Variants in HNRNPA0 observed in about 807,000 individuals in gnomAD.
The protein encoded by HNRNPA0 is heterogeneous nuclear ribonucleoprotein A0, also known as hnRNA binding protein.
For missense variants in HNRNPA0, 252 were observed against 433.7 expected (o/e 0.58, Z 3.72); for synonymous variants, 243 against 195.5 (o/e 1.24, Z -2.03).
rs2149945956 is a variant in HNRNPA0 at position 137,746,850 on chromosome 5, C to T, written c.*6299G>A. ...AATTTTAACTTGACATACTAAGAAA[C>T]AGGGAGGCACTGAATTTAGGGATAG... On this transcript the variant is annotated 3_prime_UTR_variant, in exon 1 of 1. Transcript: ENST00000314940. The T allele has an allele frequency of 6.6e-6, 1 of 152,184 alleles. No individual in the cohort carries two copies. The highest frequency in any genetic ancestry group is 2.1e-4 in the South Asian group (1 of 4,826). 9.4% of individuals were successfully genotyped at this position (152,184 alleles called of 1,614,324 possible). A position where few individuals can be genotyped will look rare whatever the true frequency, so the allele number is the denominator to read the frequency against.
Position 137,751,094 on chromosome 5 carries a change from A to C in HNRNPA0, c.*2055T>G, listed in dbSNP as rs1753488757. On this transcript the variant is annotated 3_prime_UTR_variant, in exon 1 of 1. Coordinates refer to ENST00000314940, the MANE Select transcript of HNRNPA0 (RefSeq NM_006805.4). ...TGTGTATCACTAGAATTAAAAAATAAGACAGAAATGTATGGAAAGTGTACA... is the reference window on the plus strand; with the variant it reads ...TGTGTATCACTAGAATTAAAAAATACGACAGAAATGTATGGAAAGTGTACA... 6.6e-6 allele frequency: 1 copy of C among 152,208 alleles called. No homozygotes were observed. Among genetic ancestry groups the C allele is most frequent in the Admixed American group, 6.5e-5 (1 of 15,286 alleles). 9.4% of individuals were successfully genotyped at this position (152,208 alleles called of 1,614,324 possible). A position where few individuals can be genotyped will look rare whatever the true frequency, so the allele number is the denominator to read the frequency against.
In HNRNPA0 at chr5:137,752,159, G is replaced by T. The variant is rs917579534; in HGVS notation, c.*990C>A. Reference sequence around the variant, plus strand: ...AAACCTGCTCTGAAAGTACAAAAACGCATTTGAGGGTAAAATATAACCCTT... The same window carrying T: ...AAACCTGCTCTGAAAGTACAAAAACTCATTTGAGGGTAAAATATAACCCTT... On this transcript the variant is annotated 3_prime_UTR_variant, in exon 1 of 1. Coordinates refer to ENST00000314940, the MANE Select transcript of HNRNPA0 (RefSeq NM_006805.4). 1.3e-5 allele frequency: 2 copies of T among 149,924 alleles called. No homozygotes were observed. Among genetic ancestry groups the T allele is most frequent in the Non-Finnish European group, 3.0e-5 (2 of 67,672 alleles). The allele number at this position is 149,924 out of a possible 1,614,324, so 9.3% of individuals were successfully genotyped here.
rs1753490859 is a variant in HNRNPA0 at position 137,751,178 on chromosome 5, C to T, written c.*1971G>A. 1 of 151,942 alleles carries T rather than the reference C, an allele frequency of 6.6e-6. No homozygotes were observed. Among genetic ancestry groups the T allele is most frequent in the Admixed American group, 6.5e-5 (1 of 15,270 alleles). 9.4% of individuals were successfully genotyped at this position (151,942 alleles called of 1,614,324 possible). ...ACCTCAATGTGTAAAAACATCCACC[C>T]CGTTTGTCATAGAGGATATAACACT... On this transcript the variant is annotated 3_prime_UTR_variant, in exon 1 of 1. Coordinates refer to ENST00000314940, the MANE Select transcript of HNRNPA0 (RefSeq NM_006805.4).
In HNRNPA0 at chr5:137,753,689, C is replaced by G; in HGVS notation, c.378G>C (p.Lys126Asn). 1 of 1,613,966 alleles carries G rather than the reference C, an allele frequency of 6.2e-7. No individual in the cohort carries two copies. The highest frequency in any genetic ancestry group is 8.5e-7 in the Non-Finnish European group (1 of 1,180,040). The change falls in exon 1 of 1, where the codon AAG (lysine) becomes AAC (asparagine). Residue 126 changes from lysine (K) to asparagine (N), a missense_variant. By Grantham distance (94) the Lys-to-Asn change is moderately conservative. Transcript: ENST00000314940. This position sits in a 1 kb window ranked among gnomAD's most constrained non-coding sequence, Gnocchi z 6.1. ...ACTGCTTGTCGGCAATAATCTCGGC[C>G]TTTTCCACGGTGCCAAACTGCGAGA... ...EHFSQFGTVE[K>N]AEIIADKQSG...
In HNRNPA0 at chr5:137,754,363, G is replaced by C; in HGVS notation, c.-297C>G. On this transcript the variant is annotated 5_prime_UTR_variant, in exon 1 of 1. Transcript: ENST00000314940. Reference sequence around the variant, plus strand: ...CCCCTATCTGGGCACCACACAAAGAGGCCGCTGAACGCGCGCGCACCCTCC... The same window carrying C: ...CCCCTATCTGGGCACCACACAAAGACGCCGCTGAACGCGCGCGCACCCTCC... 2.5e-6 allele frequency: 1 copy of C among 397,516 alleles called. No individual in the cohort carries two copies. The highest frequency in any genetic ancestry group is 4.8e-6 in the Non-Finnish European group (1 of 209,598). The allele number at this position is 397,516 out of a possible 1,614,324, so 24.6% of individuals were successfully genotyped here.
In HNRNPA0 at chr5:137,753,387, C is replaced by A; in HGVS notation, c.680G>T (p.Gly227Val). The A allele has an allele frequency of 6.5e-7, 1 of 1,545,470 alleles. No homozygotes were observed. The highest frequency in any genetic ancestry group is 8.7e-7 in the Non-Finnish European group (1 of 1,144,400). ...YNSYGGYGGGGGGGYNAYGGG... is the reference protein window; with the variant it reads ...YNSYGGYGGGVGGGYNAYGGG... Reference sequence around the variant, plus strand: ...TCCGTAGGCATTGTAGCCGCCGCCTCCGCCGCCGCCGTAACCACCGTAGCT... The same window carrying A: ...TCCGTAGGCATTGTAGCCGCCGCCTACGCCGCCGCCGTAACCACCGTAGCT... The change falls in exon 1 of 1, where the codon GGA (glycine) becomes GTA (valine). Residue 227 changes from glycine to valine, a missense_variant. Coordinates refer to ENST00000314940, the MANE Select transcript of HNRNPA0 (RefSeq NM_006805.4). This position sits in a 1 kb window ranked among gnomAD's most constrained non-coding sequence, Gnocchi z 6.1.
In HNRNPA0 at chr5:137,753,310, CGAAGCCGTT is replaced by C. The variant is rs1753541340; in HGVS notation, c.748_756del (p.Asn250_Phe252del). The stretch of plus-strand genomic sequence containing the variant: ...TGCTGGCTGTAGCTGCCGAAGCCGC[CGAAGCCGTT>C]ACCGTAGTCGCTCCCACCGTAGGAC... On this transcript the variant is annotated inframe_deletion, in exon 1 of 1. Coordinates refer to ENST00000314940, the MANE Select transcript of HNRNPA0 (RefSeq NM_006805.4). The surrounding 1 kb of genome is among the most constrained non-coding windows in gnomAD (Gnocchi z 6.1). 1 of 1,569,882 alleles carries C rather than the reference CGAAGCCGTT, an allele frequency of 6.4e-7. No homozygotes were observed. The highest frequency in any genetic ancestry group is 2.4e-5 in the East Asian group (1 of 42,338).
At position 137,753,227 on chromosome 5, in the gene HNRNPA0, G is replaced by C; in HGVS notation, c.840C>G (p.Ser280Arg). Reference sequence around the variant, plus strand: ...GTCCACTATTACTGCGACCGCCCCAGCTACTGCCTCCACCGCCGCCGCCGC... The same window carrying C: ...GTCCACTATTACTGCGACCGCCCCACCTACTGCCTCCACCGCCGCCGCCGC... Reference protein sequence around the residue: ...SGGGGGGGGSSWGGRSNSGPY... With the variant: ...SGGGGGGGGSRWGGRSNSGPY... The change falls in exon 1 of 1, where the codon AGC (serine) becomes AGG (arginine). Residue 280 changes from serine to arginine, a missense_variant. By Grantham distance (110) the Ser-to-Arg change is moderately radical (BLOSUM62 -1). Transcript: ENST00000314940. This position sits in a 1 kb window ranked among gnomAD's most constrained non-coding sequence, Gnocchi z 6.1. 1 of 1,612,994 alleles carries C rather than the reference G, an allele frequency of 6.2e-7. No individual in the cohort carries two copies. The highest frequency in any genetic ancestry group is 8.5e-7 in the Non-Finnish European group (1 of 1,179,870).
chr5:137,753,245 G>A lies in HNRNPA0; in HGVS notation c.822C>T (p.Gly274=). 1.2e-6 allele frequency: 2 copies of A among 1,607,466 alleles called. No homozygotes were observed. Among genetic ancestry groups the A allele is most frequent in the Non-Finnish European group, 1.7e-6 (2 of 1,177,020 alleles). Residue 274 remains glycine, a synonymous_variant, in exon 1 of 1, where the codon GGC becomes GGT. Transcript: ENST00000314940. The surrounding 1 kb of genome is among the most constrained non-coding windows in gnomAD (Gnocchi z 6.1). ...CGCCCCAGCTACTGCCTCCACCGCC[G>A]CCGCCGCCGCCGCTCTTCATGGGCC... is the stretch of plus-strand genomic sequence containing the variant. ...SYGPMKSGGG[G]GGGGSSWGGR...
In HNRNPA0 at chr5:137,754,199, G is replaced by C. The variant is rs982690621; in HGVS notation, c.-133C>G. On this transcript the variant is annotated 5_prime_UTR_variant, in exon 1 of 1. Transcript: ENST00000314940. ...AGCCACCCCCGCCGCTCACCGACGG[G>C]GAAGGGAAAAAGGGAAGGGGAGGGA... 4.0e-6 allele frequency: 5 copies of C among 1,255,466 alleles called. No homozygotes were observed. The African/African-American group carries it at 6.1e-5, about 15-fold the overall frequency. 77.8% of individuals were successfully genotyped at this position (1,255,466 alleles called of 1,614,324 possible).
In HNRNPA0 at chr5:137,749,148, G is replaced by C. The variant is rs1234524122; in HGVS notation, c.*4001C>G. On this transcript the variant is annotated 3_prime_UTR_variant, in exon 1 of 1. Transcript: ENST00000314940. Reference sequence around the variant, plus strand: ...GTAAACACTGGGAAATAAGCACACTGTTTAAATGGCAAAAGTTTACACTTG... The same window carrying C: ...GTAAACACTGGGAAATAAGCACACTCTTTAAATGGCAAAAGTTTACACTTG... 1 of 152,168 alleles carries C rather than the reference G, an allele frequency of 6.6e-6. No homozygotes were observed. Among genetic ancestry groups the C allele is most frequent in the Non-Finnish European group, 1.5e-5 (1 of 68,014 alleles). 9.4% of individuals were successfully genotyped at this position (152,168 alleles called of 1,614,324 possible). A position where few individuals can be genotyped will look rare whatever the true frequency, so the allele number is the denominator to read the frequency against.
Position 137,753,259 on chromosome 5 carries a change from T to C in HNRNPA0, c.808A>G (p.Ser270Gly), listed in dbSNP as rs759020960. 5.0e-6 allele frequency: 8 copies of C among 1,593,310 alleles called. No homozygotes were observed. Among genetic ancestry groups the C allele is most frequent in the South Asian group, 1.1e-5 (1 of 90,014 alleles). Residue 270 changes from serine (S) to glycine (G), a missense_variant, in exon 1 of 1, where the codon AGC (serine) becomes GGC (glycine). By Grantham distance (56) the Ser-to-Gly change is moderately conservative (BLOSUM62 0). Transcript: ENST00000314940. This position sits in a 1 kb window ranked among gnomAD's most constrained non-coding sequence, Gnocchi z 6.1. The part of the protein sequence containing the change: ...QHQSSYGPMK[S>G]GGGGGGGGSS... Reference sequence around the variant, plus strand: ...CCTCCACCGCCGCCGCCGCCGCCGCTCTTCATGGGCCCATAGGAGGACTGA... The same window carrying C: ...CCTCCACCGCCGCCGCCGCCGCCGCCCTTCATGGGCCCATAGGAGGACTGA...
chr5:137,754,134 G>A lies in HNRNPA0; in HGVS notation c.-68C>T, dbSNP rs1580803159. ...TTTCGCCGTCGCCGCCGTTATCGTTGGTTAAGGCCTCTACACAGCTTGGGC... is the reference window on the plus strand; with the variant it reads ...TTTCGCCGTCGCCGCCGTTATCGTTAGTTAAGGCCTCTACACAGCTTGGGC... On this transcript the variant is annotated 5_prime_UTR_variant, in exon 1 of 1. Coordinates refer to ENST00000314940, the MANE Select transcript of HNRNPA0 (RefSeq NM_006805.4). The A allele has an allele frequency of 2.0e-6, 3 of 1,524,252 alleles. No homozygotes were observed. The highest frequency in any genetic ancestry group is 2.4e-5 in the East Asian group (1 of 41,824). The allele number at this position is 1,524,252 out of a possible 1,614,324, so 94.4% of individuals were successfully genotyped here. A position where few individuals can be genotyped will look rare whatever the true frequency, so the allele number is the denominator to read the frequency against.
Position 137,745,831 on chromosome 5 carries a change from A to T in HNRNPA0, c.*7318T>A, listed in dbSNP as rs889938979. 1.3e-5 allele frequency: 2 copies of T among 152,086 alleles called. No individual in the cohort carries two copies. Among genetic ancestry groups the T allele is most frequent in the African/African-American group, 4.8e-5 (2 of 41,388 alleles). The allele number at this position is 152,086 out of a possible 1,614,324, so 9.4% of individuals were successfully genotyped here. A position where few individuals can be genotyped will look rare whatever the true frequency, so the allele number is the denominator to read the frequency against. The stretch of plus-strand genomic sequence containing the variant: ...ATACGAGGGATGTTTCTGCCTAGGG[A>T]CTCAGTATGCAAGGTTTTCATTGGG... On this transcript the variant is annotated 3_prime_UTR_variant, in exon 1 of 1. Coordinates refer to ENST00000314940, the MANE Select transcript of HNRNPA0 (RefSeq NM_006805.4).
At position 137,750,036 on chromosome 5, in the gene HNRNPA0, T is replaced by TG. The variant is rs1753471339; in HGVS notation, c.*3112dup. 1 of 152,240 alleles carries TG rather than the reference T, an allele frequency of 6.6e-6. No homozygotes were observed. The highest frequency in any genetic ancestry group is 1.5e-5 in the Non-Finnish European group (1 of 68,016). 9.4% of individuals were successfully genotyped at this position (152,240 alleles called of 1,614,324 possible). ...CATTCTGATTTGATAGTTATCACTG[T>TG]GAACCTTAACCACTTGCAGGCTTTT... On this transcript the variant is annotated 3_prime_UTR_variant, in exon 1 of 1. Transcript: ENST00000314940.
chr5:137,754,344 T>A lies in HNRNPA0; in HGVS notation c.-278A>T. 1 of 470,300 alleles carries A rather than the reference T, an allele frequency of 2.1e-6. No individual in the cohort carries two copies. The highest frequency in any genetic ancestry group is 3.9e-6 in the Non-Finnish European group (1 of 253,410). 29.1% of individuals were successfully genotyped at this position (470,300 alleles called of 1,614,324 possible). ...CGCCGCCGCCACCTCCGCTCCCCTA[T>A]CTGGGCACCACACAAAGAGGCCGCT... On this transcript the variant is annotated 5_prime_UTR_variant, in exon 1 of 1. Coordinates refer to ENST00000314940, the MANE Select transcript of HNRNPA0 (RefSeq NM_006805.4).
In HNRNPA0 at chr5:137,753,880, C is replaced by T; in HGVS notation, c.187G>A (p.Ala63Thr). Residue 63 changes from alanine to threonine, a missense_variant, in exon 1 of 1, where the codon GCC (alanine) becomes ACC (threonine). By Grantham distance (58) the Ala-to-Thr change is moderately conservative. Coordinates refer to ENST00000314940, the MANE Select transcript of HNRNPA0 (RefSeq NM_006805.4). The surrounding 1 kb of genome is among the most constrained non-coding windows in gnomAD (Gnocchi z 6.1). The stretch of plus-strand genomic sequence containing the variant: ...GCATGGGGCGAGGCGGCCATGGCGG[C>T]GTCCGCCTCCTCCACATTGGAGTAG... ...VTYSNVEEADAAMAASPHAVD... is the reference protein window; with the variant it reads ...VTYSNVEEADTAMAASPHAVD... The T allele has an allele frequency of 6.2e-7, 1 of 1,613,580 alleles. No individual in the cohort carries two copies.
Position 137,749,252 on chromosome 5 carries a change from G to C in HNRNPA0, c.*3897C>G, listed in dbSNP as rs775667410. The C allele has an allele frequency of 6.6e-6, 1 of 152,148 alleles. No homozygotes were observed. The highest frequency in any genetic ancestry group is 6.5e-5 in the Admixed American group (1 of 15,280). 9.4% of individuals were successfully genotyped at this position (152,148 alleles called of 1,614,324 possible). ...CATACAAAGTGGTAAAAGAATTAAAGAGACAAAGAAAGCCTGCCTGAATAG... is the reference window on the plus strand; with the variant it reads ...CATACAAAGTGGTAAAAGAATTAAACAGACAAAGAAAGCCTGCCTGAATAG... On this transcript the variant is annotated 3_prime_UTR_variant, in exon 1 of 1. Coordinates refer to ENST00000314940, the MANE Select transcript of HNRNPA0 (RefSeq NM_006805.4).
rs1266136543 is a variant in HNRNPA0 at position 137,751,479 on chromosome 5, A to G, written c.*1670T>C. 1 of 149,130 alleles carries G rather than the reference A, an allele frequency of 6.7e-6. No homozygotes were observed. The allele number at this position is 149,130 out of a possible 1,614,324, so 9.2% of individuals were successfully genotyped here. A position where few individuals can be genotyped will look rare whatever the true frequency, so the allele number is the denominator to read the frequency against. ...TTCAACGTCAACATGTAAGTCAAAT[A>G]TTTAAGTTAAATATTAACATCAAGT... On this transcript the variant is annotated 3_prime_UTR_variant, in exon 1 of 1. Transcript: ENST00000314940.
Sources: allele counts gnomAD v4.1 joint callset, GRCh38; gene constraint gnomAD v4.1.1; non-coding constraint Gnocchi (gnomAD v3.1); transcripts MANE v1.5; gene names NCBI Gene and HGNC (gene_info 2026-07-23, HGNC 2026-07-21).